The following NTRK3 variants were observed in gnomAD, a reference collection of about 807,000 sequenced individuals.
NTRK3 encodes NT-3 growth factor receptor.
Under a neutral mutation model 91.7 loss-of-function variants are expected in NTRK3, and 24 were observed. The ratio of observed to expected loss-of-function variants is 0.26; its 90% CI spans 0.19 to 0.37. The LOEUF is 0.37. Among genes scored for constraint, NTRK3 ranks in the 10% least tolerant of loss-of-function variants. The pLI is 1.00. For synonymous variants in NTRK3, 483 were observed against 404.0 expected (o/e 1.20, Z -2.34); for missense variants, 880 against 1,068.9 (o/e 0.82, Z 2.46).
chr15:88,119,366 T>C (rs1215816960), intron 13 of NTRK3, among the ~76,000 whole-genome samples: 2 of 152,232 alleles, frequency 1.3e-5, no homozygotes, highest in Non-Finnish European at 2.9e-5. Flanking sequence ...CTGGCTTCTA[T>C]AAATTTATGT....
intron 6 of NTRK3, among the ~76,000 whole-genome samples, chr15:88,138,472 T>G (rs568244827): frequency 6.6e-6 from 1 of 152,300 alleles, no homozygotes; most frequent in Non-Finnish European, 1.5e-5. Flanking sequence ...AACCCTCCAA[T>G]GGCCTTCCAT....
intron 6 of NTRK3, among the ~76,000 whole-genome samples, chr15:88,145,328 G>A (rs146511921): frequency 9.8e-5 from 15 of 152,290 alleles, no homozygotes; most frequent in African/African-American, 2.2e-4. Context: ...CTACCAGGGT[G>A]ATTGCTCCTT....
chr15:88,107,154 A>G lies in NTRK3; in HGVS notation c.1396+19117T>C, dbSNP rs575994813. 2.1e-4 allele frequency among the ~76,000 whole-genome samples: 32 copies of G among 152,268 alleles called. No individual in the cohort carries two copies. In the South Asian group the frequency reaches 6.6e-3, roughly 32 times the overall value. Reference sequence around the variant, plus strand: ...AATATATATTCCTTTTATAAAAATAAGTCCACAGGCCAGGTGCAGTGCTCA... The same window carrying G: ...AATATATATTCCTTTTATAAAAATAGGTCCACAGGCCAGGTGCAGTGCTCA... On this transcript the variant is annotated intron_variant, in intron 13 of 18. Coordinates refer to ENST00000394480, the Ensembl canonical transcript of NTRK3.
At chr15:88,162,916 C>G (rs1020034150) in intron 5 of NTRK3, among the ~76,000 whole-genome samples, 2 of 152,160 alleles carry the variant, frequency 1.3e-5, no homozygotes, top group Non-Finnish European at 2.9e-5. Flanking sequence ...CAGTTGCTGC[C>G]TTGGTCCAGC....
exon 15 of NTRK3, chr15:87,940,707 C>G: frequency 9.3e-6 from 15 of 1,614,132 alleles, no homozygotes; most frequent in Non-Finnish European, 1.3e-5. Context: ...CTCCCTCACC[C>G]AGTTCTCGCT....
chr15:88,134,884 AG>A (rs1425146785), intron 10 of NTRK3, among the ~76,000 whole-genome samples: 3 of 152,220 alleles, frequency 2.0e-5, no homozygotes, highest in African/African-American at 7.2e-5. Context: ...GTTATTTCTA[AG>A]AAGTCTTGGT....
intron 14 of NTRK3, among the ~76,000 whole-genome samples, chr15:87,969,665 C>G (rs528967913): frequency 4.6e-5 from 7 of 152,262 alleles, no homozygotes; most frequent in African/African-American, 1.7e-4. Context: ...AAGGATTCTG[C>G]TGTGTCCCTC....
intron 3 of NTRK3, among the ~76,000 whole-genome samples, chr15:88,195,384 C>CGGTA (rs2047729794): frequency 6.6e-6 from 1 of 152,150 alleles, no homozygotes; most frequent in African/African-American, 2.4e-5. Flanking sequence ...TCCAAGTTCC[C>CGGTA]GGTACATAGT....
intron 3 of NTRK3, among the ~76,000 whole-genome samples, chr15:88,191,598 A>G (rs2047397050): frequency 6.6e-6 from 1 of 152,230 alleles, no homozygotes; most frequent in Non-Finnish European, 1.5e-5. Flanking sequence ...ATTGGAGCAC[A>G]CACACGCATG....
At chr15:88,200,875 A>G (rs1439912314) in intron 3 of NTRK3, among the ~76,000 whole-genome samples, 2 of 152,208 alleles carry the variant, frequency 1.3e-5, no homozygotes, top group Non-Finnish European at 2.9e-5. Context: ...TGCCACTTCA[A>G]TGAGATGCTG....
At chr15:88,031,932 G>A (rs2078573984) in intron 14 of NTRK3, among the ~76,000 whole-genome samples, 1 of 152,084 alleles carries the variant, frequency 6.6e-6, no homozygotes, top group South Asian at 2.1e-4. Flanking sequence ...GGAAGCCTGG[G>A]GCAGCCACCC....
intron 14 of NTRK3, among the ~76,000 whole-genome samples, chr15:87,991,883 G>A (rs774947219): frequency 6.6e-6 from 1 of 151,722 alleles, no homozygotes; most frequent in East Asian, 1.9e-4. Flanking sequence ...GAGGATATCT[G>A]AGGATATCTT....
At chr15:88,004,345 G>C (rs765487716) in intron 14 of NTRK3, among the ~76,000 whole-genome samples, 9 of 152,152 alleles carry the variant, frequency 5.9e-5, no homozygotes, top group Non-Finnish European at 1.0e-4. Context: ...ACTTTTGCAT[G>C]TGCTGTAAAC....
At chr15:87,974,219 G>T (rs1239658186) in intron 14 of NTRK3, among the ~76,000 whole-genome samples, 3 of 152,142 alleles carry the variant, frequency 2.0e-5, no homozygotes, top group East Asian at 1.9e-4. Flanking sequence ...TGTGGCTGCT[G>T]GGAGCTTGGC....
At chr15:88,171,325 T>A (rs2045495850) in intron 5 of NTRK3, among the ~76,000 whole-genome samples, 1 of 152,156 alleles carries the variant, frequency 6.6e-6, no homozygotes, top group Non-Finnish European at 1.5e-5. Flanking sequence ...GGCAATACAC[T>A]GATGAGCTGG....
intron 13 of NTRK3, among the ~76,000 whole-genome samples, chr15:88,063,653 G>C (rs1467835966): frequency 2.0e-5 from 3 of 152,182 alleles, no homozygotes; most frequent in Non-Finnish European, 4.4e-5. Context: ...CTAGAACTGA[G>C]CACTGAACCA....
At chr15:88,176,527 A>G (rs942779898) in intron 5 of NTRK3, among the ~76,000 whole-genome samples, 3 of 152,210 alleles carry the variant, frequency 2.0e-5, no homozygotes, top group African/African-American at 7.2e-5. Context: ...AAGAAAGTAG[A>G]CAGGATAAAT....
exon 19 of NTRK3, chr15:87,873,771 G>A (rs2064883731): frequency 4.3e-6 from 1 of 231,774 alleles, no homozygotes; most frequent in African/African-American, 2.2e-5. Context: ...AGGATGGGAA[G>A]CCGACCAAAT....
chr15:87,942,311 G>A (rs2142035534), intron 14 of NTRK3, among the ~76,000 whole-genome samples: 1 of 152,312 alleles, frequency 6.6e-6, no homozygotes, highest in South Asian at 2.1e-4. Flanking sequence ...CACACTGCAG[G>A]GCTATGCCCC....
Sources: allele counts gnomAD v4.1 joint callset (sites outside exome capture counted in the v4.1 genomes callset), GRCh38; gene constraint gnomAD v4.1.1; transcripts MANE v1.5; gene names NCBI Gene and HGNC (gene_info 2026-07-23, HGNC 2026-07-21).